The following MYO3B variants were observed in gnomAD, a reference collection of about 807,000 sequenced individuals.
The protein encoded by MYO3B is myosin-IIIb.
MYO3B carries 156 observed loss-of-function variants against 174.6 expected under a neutral mutation model. That is an observed-to-expected ratio of 0.89 (90% confidence interval 0.78 to 1.02). The LOEUF (loss-of-function observed/expected upper bound fraction) is 1.02. Among genes scored for constraint, MYO3B ranks in the 50% least tolerant of loss-of-function variants. MYO3B has a pLI of 0.00. For missense variants in MYO3B, 1,632 were observed against 1,639.4 expected (o/e 1.00, Z 0.08); for synonymous variants, 563 against 569.1 (o/e 0.99, Z 0.15).
chr2:170,628,315 C>T (rs552522742), intron 32 of MYO3B, among the ~76,000 whole-genome samples: 95 of 152,352 alleles, frequency 6.2e-4, no homozygotes, highest in Non-Finnish European at 1.1e-3. Flanking sequence ...TAGCAATGAG[C>T]GAGGCTCCGT....
chr2:170,363,094 GGAAAT>G (rs1386946490), intron 8 of MYO3B, among the ~76,000 whole-genome samples: 1 of 152,126 alleles, frequency 6.6e-6, no homozygotes, highest in Non-Finnish European at 1.5e-5. Flanking sequence ...CACACGGCAG[GGAAAT>G]GCTTGCTCAG....
chr2:170,393,438 C>T (rs1574907065), intron 16 of MYO3B, among the ~76,000 whole-genome samples: 1 of 151,958 alleles, frequency 6.6e-6, no homozygotes, highest in Non-Finnish European at 1.5e-5. Flanking sequence ...TAAATATATG[C>T]TAGGGGTGAC....
intron 25 of MYO3B, among the ~76,000 whole-genome samples, chr2:170,476,966 A>G (rs1368087328): frequency 6.6e-6 from 1 of 151,980 alleles, no homozygotes; most frequent in African/African-American, 2.4e-5. Flanking sequence ...ATAAATCTCT[A>G]TTAAATGTTT....
At chr2:170,415,411 C>T (rs1321613933) in intron 22 of MYO3B, among the ~76,000 whole-genome samples, 1 of 152,178 alleles carries the variant, frequency 6.6e-6, no homozygotes, top group East Asian at 1.9e-4. Context: ...CACTTACTAT[C>T]ACCTTACATA....
At chr2:170,504,512 G>A (rs184847820) in intron 28 of MYO3B, among the ~76,000 whole-genome samples, 5 of 152,192 alleles carry the variant, frequency 3.3e-5, no homozygotes, top group East Asian at 3.9e-4. Flanking sequence ...GATCTATTAC[G>A]GCACATTCAC....
At chr2:170,642,039 A>C (rs1698012533) in intron 32 of MYO3B, among the ~76,000 whole-genome samples, 1 of 152,148 alleles carries the variant, frequency 6.6e-6, no homozygotes. Flanking sequence ...GCCTCTGGAC[A>C]GTTTCCCCAG....
intron 16 of MYO3B, among the ~76,000 whole-genome samples, chr2:170,398,841 C>G (rs1340145157): frequency 6.6e-6 from 1 of 152,166 alleles, no homozygotes; most frequent in Non-Finnish European, 1.5e-5. Flanking sequence ...AAAGTCAGCC[C>G]TCTGTATATG....
At chr2:170,495,838 A>G (rs1023176082) in intron 25 of MYO3B, among the ~76,000 whole-genome samples, 2 of 152,212 alleles carry the variant, frequency 1.3e-5, no homozygotes, top group African/African-American at 4.8e-5. Context: ...TTCTCACCGC[A>G]ATAGATTTGC....
At chr2:170,405,311 G>A (rs1223708021) in intron 20 of MYO3B, among the ~76,000 whole-genome samples, 3 of 152,178 alleles carry the variant, frequency 2.0e-5, no homozygotes, top group Admixed American at 2.0e-4. Flanking sequence ...CTTAGAAACA[G>A]CAGGAGAATA....
chr2:170,486,299 C>CTTTTTTTTTTTTT (rs10715918), intron 25 of MYO3B, among the ~76,000 whole-genome samples: 6 of 99,186 alleles, frequency 6.0e-5, no homozygotes, highest in East Asian at 3.0e-4. Context: ...AGAATCCATT[C>CTTTTTTTTTTTTT]TTTTTTTTTT....
chr2:170,516,936 A>G (rs9967753), intron 29 of MYO3B, among the ~76,000 whole-genome samples: 17,517 of 152,186 alleles, frequency 0.12, 1,202 homozygotes, highest in Admixed American at 0.2. Flanking sequence ...TACACTTAAA[A>G]TGAGTCACCT....
intron 32 of MYO3B, among the ~76,000 whole-genome samples, chr2:170,645,713 C>T (rs2105464330): frequency 6.6e-6 from 1 of 152,148 alleles, no homozygotes; most frequent in Non-Finnish European, 1.5e-5. Flanking sequence ...GTACTATGTG[C>T]CTTATTGATT....
chr2:170,544,385 T>G (rs943307757), intron 32 of MYO3B, among the ~76,000 whole-genome samples: 1 of 152,248 alleles, frequency 6.6e-6, no homozygotes, highest in African/African-American at 2.4e-5. Flanking sequence ...GGCCATTCTT[T>G]GAGCAAGTAG....
chr2:170,595,504 A>T (rs1051447441), intron 32 of MYO3B, among the ~76,000 whole-genome samples: 4 of 152,122 alleles, frequency 2.6e-5, no homozygotes, highest in African/African-American at 9.7e-5. Context: ...AGCGGCATGA[A>T]CATGGCTCAC....
chr2:170,562,578 A>T (rs1011575768), intron 32 of MYO3B, among the ~76,000 whole-genome samples: 2 of 152,316 alleles, frequency 1.3e-5, no homozygotes, highest in African/African-American at 4.8e-5. Context: ...CTCACTAAAG[A>T]TGAGTAAGTT....
chr2:170,616,737 G>A (rs977898063), intron 32 of MYO3B, among the ~76,000 whole-genome samples: 7 of 152,206 alleles, frequency 4.6e-5, no homozygotes, highest in Non-Finnish European at 1.0e-4. Flanking sequence ...ATTGAATGGG[G>A]TTGAGATTAG....
chr2:170,629,274 C>T (rs1446459073), intron 32 of MYO3B, among the ~76,000 whole-genome samples: 1 of 152,176 alleles, frequency 6.6e-6, no homozygotes, highest in Non-Finnish European at 1.5e-5. Context: ...CTGATTACCC[C>T]TCCAAATGAT....
chr2:170,455,204 G>A lies in MYO3B; in HGVS notation c.2731-8164G>A, dbSNP rs561926607. Among the ~76,000 whole-genome samples, 3 of 152,330 alleles carry A rather than the reference G, an allele frequency of 2.0e-5. No homozygotes were observed. The South Asian group carries it at 6.2e-4, about 32-fold the overall frequency. ...CAAAGGCAGTCTAGTCCCCAGGAAG[G>A]AAGGGGGTTTGTTTTGGGAAAGGGC... On this transcript the variant is annotated intron_variant, in intron 23 of 34. Coordinates refer to ENST00000408978, the MANE Select transcript of MYO3B (RefSeq NM_138995.5).
intron 6 of MYO3B, among the ~76,000 whole-genome samples, chr2:170,231,534 G>A (rs1017903095): frequency 1.3e-5 from 2 of 152,218 alleles, no homozygotes; most frequent in African/African-American, 4.8e-5. Flanking sequence ...ATAAGCAGCA[G>A]TGTAGTCTAA....
Sources: gnomAD v4.1 joint callset for allele counts (sites outside exome capture counted in the v4.1 genomes callset) on GRCh38, gnomAD v4.1.1 for gene constraint, MANE v1.5 for transcripts, NCBI Gene and HGNC (gene_info 2026-07-23, HGNC 2026-07-21) for gene names.